The following PTH2R variants were observed in gnomAD, a reference collection of about 807,000 sequenced individuals.
The protein encoded by PTH2R is PTH2 receptor.
PTH2R carries 59 observed loss-of-function variants against 60.3 expected under a neutral mutation model. The ratio of observed to expected loss-of-function variants is 0.98; its 90% CI spans 0.79 to 1.22. PTH2R has a LOEUF of 1.22. Ranked by LOEUF, PTH2R falls within the 50% of genes most tolerant of loss-of-function variation. PTH2R has a pLI of 0.00. For missense variants in PTH2R, 749 were observed against 682.6 expected (o/e 1.10, Z -1.08); for synonymous variants, 256 against 243.8 (o/e 1.05, Z -0.47).
intron 1 of PTH2R, among the ~76,000 whole-genome samples, chr2:208,427,523 C>CTCA (rs1701880913): frequency 6.6e-6 from 1 of 152,118 alleles, no homozygotes; most frequent in Admixed American, 6.5e-5. Flanking sequence ...TAAATATGGG[C>CTCA]ATTGAGCTAT....
intron 1 of PTH2R, among the ~76,000 whole-genome samples, chr2:208,414,660 CA>C (rs1701603512): frequency 6.6e-6 from 1 of 151,744 alleles, no homozygotes; most frequent in East Asian, 1.9e-4. Context: ...TCCACTAGAA[CA>C]AAAATGGACA....
intron 1 of PTH2R, among the ~76,000 whole-genome samples, chr2:208,399,532 A>G (rs894602988): frequency 2.0e-5 from 3 of 152,066 alleles, no homozygotes; most frequent in African/African-American, 7.2e-5. Flanking sequence ...TAGGTGATTA[A>G]AAACCCTAGA....
chr2:208,424,470 C>T (rs115717841), intron 1 of PTH2R, among the ~76,000 whole-genome samples: 241 of 152,292 alleles, frequency 1.6e-3, no homozygotes, highest in African/African-American at 5.6e-3. Context: ...TGTGAGAGCC[C>T]TGCCTTCATG....
At chr2:208,451,229 G>A (rs1702402415) in intron 8 of PTH2R, among the ~76,000 whole-genome samples, 1 of 152,072 alleles carries the variant, frequency 6.6e-6, no homozygotes, top group Non-Finnish European at 1.5e-5. Flanking sequence ...GTGGTTATGA[G>A]GACCTGCGAT....
At chr2:208,370,494 G>A (rs1403054670) in intron 1 of PTH2R, among the ~76,000 whole-genome samples, 4 of 145,368 alleles carry the variant, frequency 2.8e-5, no homozygotes, top group Non-Finnish European at 4.5e-5. Flanking sequence ...AACATTCTAC[G>A]TTAGGTAAAT....
intron 1 of PTH2R, among the ~76,000 whole-genome samples, chr2:208,367,957 A>C (rs1457442846): frequency 6.6e-6 from 1 of 152,162 alleles, no homozygotes; most frequent in Non-Finnish European, 1.5e-5. Flanking sequence ...AGGCCATAAA[A>C]TATTTTAGGG....
At chr2:208,401,499 G>A (rs917573100) in intron 1 of PTH2R, among the ~76,000 whole-genome samples, 2 of 151,336 alleles carry the variant, frequency 1.3e-5, no homozygotes, top group Non-Finnish European at 2.9e-5. Context: ...TCAGTGATCA[G>A]GTCCTGTTAA....
chr2:208,394,142 A>G (rs1701161448), intron 1 of PTH2R, among the ~76,000 whole-genome samples: 1 of 152,234 alleles, frequency 6.6e-6, no homozygotes, highest in Non-Finnish European at 1.5e-5. Flanking sequence ...TTCTGTTTGC[A>G]GAAAAGTTTT....
chr2:208,365,980 T>A (rs1400060667), intron 1 of PTH2R, among the ~76,000 whole-genome samples: 6 of 96,778 alleles, frequency 6.2e-5, no homozygotes, highest in African/African-American at 1.2e-4. Context: ...TTTTTTTTTT[T>A]TTTTTTTTTT....
At chr2:208,443,776 A>T (rs148477764) in intron 6 of PTH2R, among the ~76,000 whole-genome samples, 2 of 152,318 alleles carry the variant, frequency 1.3e-5, no homozygotes, top group African/African-American at 4.8e-5. Context: ...GGAAACTGCA[A>T]AATGCACAAG....
intron 9 of PTH2R, among the ~76,000 whole-genome samples, chr2:208,462,808 C>T (rs1702659869): frequency 6.6e-6 from 1 of 152,118 alleles, no homozygotes; most frequent in Non-Finnish European, 1.5e-5. Context: ...TGGTCTGTGC[C>T]AAGGTTGAGC....
At position 208,428,299 on chromosome 2, in the gene PTH2R, G is replaced by A. The variant is rs147613083; in HGVS notation, c.174G>A (p.Glu58=). 309 of 1,609,996 alleles carry A rather than the reference G, an allele frequency of 1.9e-4. 1 individual carries two copies. Among genetic ancestry groups the A allele is most frequent in the Non-Finnish European group, 1.1e-4 (134 of 1,177,718 alleles). ...CELNITAQLQ[E]GEGNCFPEWD... is the part of the protein sequence containing the mutation. ...TCAACATCACAGCTCAACTCCAGGA[G>A]GGAGGTAAAGATGCCAAGAAAATTG... Residue 58 remains glutamate, a synonymous_variant, in exon 2 of 13, where the codon GAG becomes GAA. Coordinates refer to ENST00000272847, the MANE Select transcript of PTH2R (RefSeq NM_005048.4).
chr2:208,367,785 A>G (rs1002539498), intron 1 of PTH2R, among the ~76,000 whole-genome samples: 5 of 152,142 alleles, frequency 3.3e-5, no homozygotes, highest in African/African-American at 1.2e-4. Flanking sequence ...CAATCACTCA[A>G]GGTTCCCTTT....
upstream of PTH2R, among the ~76,000 whole-genome samples, chr2:208,405,655 C>T (rs1701387872): frequency 6.6e-6 from 1 of 152,188 alleles, no homozygotes; most frequent in Non-Finnish European, 1.5e-5. Flanking sequence ...TTTGTTTACT[C>T]ACTTAACTTT....
At chr2:208,431,095 C>T (rs796285864) in intron 2 of PTH2R, among the ~76,000 whole-genome samples, 25 of 152,200 alleles carry the variant, frequency 1.6e-4, no homozygotes, top group African/African-American at 3.9e-4. Flanking sequence ...CTTTGTGTGT[C>T]GATGTCTTAT....
At chr2:208,481,400 G>T (rs1341149166) in intron 10 of PTH2R, among the ~76,000 whole-genome samples, 1 of 151,998 alleles carries the variant, frequency 6.6e-6, no homozygotes, top group Non-Finnish European at 1.5e-5. Flanking sequence ...TAGTAGAGAT[G>T]AGGTTTTGCC....
At chr2:208,458,209 T>A (rs1022007575) in intron 8 of PTH2R, among the ~76,000 whole-genome samples, 1 of 152,134 alleles carries the variant, frequency 6.6e-6, no homozygotes, top group East Asian at 1.9e-4. Flanking sequence ...CAATAGATAT[T>A]TATTGACTAC....
intron 9 of PTH2R, among the ~76,000 whole-genome samples, chr2:208,465,157 G>GT (rs1702718291): frequency 6.6e-6 from 1 of 151,030 alleles, no homozygotes; most frequent in Non-Finnish European, 1.5e-5. Flanking sequence ...TGTATTTTTT[G>GT]TAGAGATGTG....
At chr2:208,468,410 G>A (rs1008338004) in intron 9 of PTH2R, among the ~76,000 whole-genome samples, 8 of 152,146 alleles carry the variant, frequency 5.3e-5, no homozygotes, top group African/African-American at 1.7e-4. Flanking sequence ...TGATGGAGCC[G>A]GGTTCTGACT....
Sources: gnomAD v4.1 joint callset for allele counts (sites outside exome capture counted in the v4.1 genomes callset) on GRCh38, gnomAD v4.1.1 for gene constraint, MANE v1.5 for transcripts, NCBI Gene and HGNC (gene_info 2026-07-23, HGNC 2026-07-21) for gene names.